The following MBNL1 variants were observed in gnomAD, a reference collection of about 807,000 sequenced individuals.
MBNL1 encodes muscleblind-like protein 1.
A neutral mutation model predicts 42.2 loss-of-function variants in MBNL1; 8 were observed. That is an observed-to-expected ratio of 0.19 (90% confidence interval 0.11 to 0.34). The LOEUF (loss-of-function observed/expected upper bound fraction) is 0.34. MBNL1 is among the 10% of genes least tolerant of loss of function. The pLI is 1.00. For missense variants in MBNL1, 309 were observed against 495.3 expected, an observed-to-expected ratio of 0.62 and a Z score of 3.57; for synonymous variants, 169 against 173.9, an observed-to-expected ratio of 0.97 and a Z score of 0.22.
chr3:152,417,301 G>A (rs886107556), intron 3 of MBNL1, among the ~76,000 whole-genome samples: 3 of 152,148 alleles, frequency 2.0e-5, no homozygotes, highest in African/African-American at 4.8e-5. Context: ...TACAAATAGG[G>A]ATTGTAACAG....
chr3:152,384,105 T>C (rs2097304015), intron 2 of MBNL1, among the ~76,000 whole-genome samples: 1 of 152,188 alleles, frequency 6.6e-6, no homozygotes, highest in African/African-American at 2.4e-5. Flanking sequence ...TGAATTATTA[T>C]AGACTTCATA....
At chr3:152,435,945 C>T (rs1164051869) in intron 4 of MBNL1, among the ~76,000 whole-genome samples, 2 of 151,948 alleles carry the variant, frequency 1.3e-5, no homozygotes, top group African/African-American at 4.8e-5. Context: ...GCTTTTGGGC[C>T]GAGACTATGG....
chr3:152,451,403 T>G (rs1303230182), intron 6 of MBNL1, among the ~76,000 whole-genome samples: 2 of 152,168 alleles, frequency 1.3e-5, no homozygotes, highest in African/African-American at 4.8e-5. Flanking sequence ...TATCATTCTG[T>G]TCTCCCCTTT....
intron 4 of MBNL1, among the ~76,000 whole-genome samples, chr3:152,441,628 A>G (rs1199846303): frequency 2.6e-5 from 4 of 152,152 alleles, no homozygotes. Context: ...TAATTATTCC[A>G]TAGATGTTTT....
chr3:152,279,817 G>A (rs1448386611), intron 1 of MBNL1, among the ~76,000 whole-genome samples: 1 of 152,048 alleles, frequency 6.6e-6, no homozygotes, highest in Non-Finnish European at 1.5e-5. Context: ...GATCATGGTT[G>A]TTTGATTATT....
rs547122120 is a variant in MBNL1 at position 152,415,740 on chromosome 3, G to T, written c.345+629G>T. On this transcript the variant is annotated intron_variant, in intron 3 of 9. Coordinates refer to ENST00000324210, the MANE Select transcript of MBNL1 (RefSeq NM_021038.5). ...AGAGCTAAAGTTGAAAAACTGGGTGGTCATAGATATTTAGTATTTGCTGAG... is the reference window on the plus strand; with the variant it reads ...AGAGCTAAAGTTGAAAAACTGGGTGTTCATAGATATTTAGTATTTGCTGAG... Among the ~76,000 whole-genome samples, 5 of 152,314 alleles carry T rather than the reference G, an allele frequency of 3.3e-5. No homozygotes were observed. The South Asian group carries it at 8.3e-4, about 25-fold the overall frequency.
chr3:152,270,796 T>TTTA (rs959875725), intron 1 of MBNL1, among the ~76,000 whole-genome samples: 1 of 152,074 alleles, frequency 6.6e-6, no homozygotes, highest in Non-Finnish European at 1.5e-5. Flanking sequence ...TGGGAGTTAC[T>TTTA]TTATTATTAT....
chr3:152,439,853 GTAA>G (rs1035285810), intron 4 of MBNL1, among the ~76,000 whole-genome samples: 10 of 151,546 alleles, frequency 6.6e-5, no homozygotes, highest in Admixed American at 2.0e-4. Context: ...ATCTCAAGTA[GTAA>G]TAATAATAAT....
At chr3:152,454,361 T>G (rs1244425879) in intron 6 of MBNL1, among the ~76,000 whole-genome samples, 1 of 152,170 alleles carries the variant, frequency 6.6e-6, no homozygotes, top group Non-Finnish European at 1.5e-5. Flanking sequence ...TCTGACGAGA[T>G]TCATTTGGCA....
intron 4 of MBNL1, among the ~76,000 whole-genome samples, chr3:152,441,991 C>T (rs1395735612): frequency 6.6e-6 from 1 of 152,096 alleles, no homozygotes; most frequent in Non-Finnish European, 1.5e-5. Flanking sequence ...TGAGGTTTCA[C>T]CATGTTGGCC....
rs2060121359 is a variant in MBNL1, at chr3:152,300,137, G to C, written c.-57G>C. On this transcript the variant is annotated 5_prime_UTR_variant, in exon 2 of 10. Coordinates refer to ENST00000324210, the MANE Select transcript of MBNL1 (RefSeq NM_021038.5). The stretch of plus-strand genomic sequence containing the variant: ...TTTTTTTTGGTTGTTGCTCTTTTTT[G>C]GGGGGGTTGGGTTTGTTGGTTTCAC... The C allele has an allele frequency of 1.8e-6, 2 of 1,132,984 alleles. No homozygotes were observed. Among genetic ancestry groups the C allele is most frequent in the Admixed American group, 5.3e-5 (2 of 37,614 alleles). The allele number at this position is 1,132,984 out of a possible 1,614,324, so 70.2% of individuals were successfully genotyped here.
chr3:152,443,189 C>CA (rs1560614970), intron 4 of MBNL1, among the ~76,000 whole-genome samples: 1 of 147,460 alleles, frequency 6.8e-6, no homozygotes, highest in African/African-American at 2.6e-5. Context: ...AACCCCCCCC[C>CA]CCACACACAC....
intron 2 of MBNL1, among the ~76,000 whole-genome samples, chr3:152,322,556 A>G (rs2077064832): frequency 3.3e-5 from 5 of 152,036 alleles, no homozygotes; most frequent in Non-Finnish European, 7.4e-5. Flanking sequence ...ATACATCTAT[A>G]TTATCTCAGT....
chr3:152,419,859 G>A (rs1186614773), intron 3 of MBNL1, among the ~76,000 whole-genome samples: 2 of 152,134 alleles, frequency 1.3e-5, no homozygotes, highest in Non-Finnish European at 2.9e-5. Context: ...CTAAGATCCT[G>A]CTGGCTTGAA....
chr3:152,289,437 T>A (rs1179047488), intron 1 of MBNL1, among the ~76,000 whole-genome samples: 1 of 152,126 alleles, frequency 6.6e-6, no homozygotes, highest in Admixed American at 6.5e-5. Flanking sequence ...TTAAGTTACA[T>A]TGAAGTGAAA....
At position 152,332,419 on chromosome 3, in the gene MBNL1, A is replaced by G. The variant is rs114425751; in HGVS notation, c.174+32052A>G. ...TGTGGGTGCAATATATAACATGACTACCCAAGAAATTCTGCAAAAAAATGT... is the reference window on the plus strand; with the variant it reads ...TGTGGGTGCAATATATAACATGACTGCCCAAGAAATTCTGCAAAAAAATGT... On this transcript the variant is annotated intron_variant, in intron 2 of 9. Coordinates refer to ENST00000324210, the MANE Select transcript of MBNL1 (RefSeq NM_021038.5). 5.4e-3 allele frequency among the ~76,000 whole-genome samples: 819 copies of G among 152,300 alleles called. 5 individuals are homozygous for G. Among genetic ancestry groups the G allele is most frequent in the Non-Finnish European group, 8.4e-3 (574 of 68,020 alleles).
At chr3:152,422,262 G>A (rs1396217151) in intron 3 of MBNL1, among the ~76,000 whole-genome samples, 3 of 100,010 alleles carry the variant, frequency 3.0e-5, no homozygotes, top group Non-Finnish European at 6.0e-5. Context: ...CCAAGCAAAT[G>A]GAAAGCAAAA....
intron 1 of MBNL1, 68 bp from the exon 2 acceptor site, chr3:152,299,337 G>A (rs1171499875): frequency 5.3e-6 from 1 of 189,528 alleles, no homozygotes; most frequent in Non-Finnish European, 1.1e-5. Flanking sequence ...ACATGGCAAG[G>A]TTGTGATACT....
At chr3:152,427,730 T>C (rs2098951808) in intron 3 of MBNL1, among the ~76,000 whole-genome samples, 1 of 151,288 alleles carries the variant, frequency 6.6e-6, no homozygotes, top group Admixed American at 6.6e-5. Context: ...AATTTTTTTA[T>C]ATTAAAAACA....
Sources: gnomAD v4.1 joint callset for allele counts (sites outside exome capture counted in the v4.1 genomes callset) on GRCh38, gnomAD v4.1.1 for gene constraint, MANE v1.5 for transcripts, NCBI Gene and HGNC (gene_info 2026-07-23, HGNC 2026-07-21) for gene names.